CRB1: variants seen among roughly 807,000 people sequenced by gnomAD.
The protein encoded by CRB1 is protein crumbs homolog 1.
CRB1 carries 83 observed loss-of-function variants against 120.0 expected under a neutral mutation model. The ratio of observed to expected loss-of-function variants is 0.69; its 90% CI spans 0.58 to 0.83. The LOEUF (loss-of-function observed/expected upper bound fraction) is 0.83. CRB1 is among the 40% of genes least tolerant of loss of function. The pLI is 0.00. For synonymous variants in CRB1, 625 were observed against 612.5 expected, an observed-to-expected ratio of 1.02 and a Z score of -0.30; for missense variants, 1,699 against 1,687.6, an observed-to-expected ratio of 1.01 and a Z score of -0.12.
chr1:197,246,390 T>G, the CRB1 span, among the ~76,000 whole-genome samples: 1 of 152,022 alleles, frequency 6.6e-6, no homozygotes, highest in Non-Finnish European at 1.5e-5. Context: ...CTTTACTCAC[T>G]GGCATTTCTG....
chr1:197,295,227 T>A (rs937628827), intron 1 of CRB1, among the ~76,000 whole-genome samples: 1 of 152,056 alleles, frequency 6.6e-6, no homozygotes, highest in Non-Finnish European at 1.5e-5. Flanking sequence ...AATGTTGTCA[T>A]GTTGCCTTCT....
At chr1:197,380,785 A>G (rs1307931340) in intron 5 of CRB1, among the ~76,000 whole-genome samples, 1 of 152,210 alleles carries the variant, frequency 6.6e-6, no homozygotes, top group Non-Finnish European at 1.5e-5. Flanking sequence ...GAATTCTCAT[A>G]GTTGGCTCTT....
At chr1:197,366,040 GA>G (rs1165751680) in intron 5 of CRB1, among the ~76,000 whole-genome samples, 5 of 152,058 alleles carry the variant, frequency 3.3e-5, no homozygotes, top group East Asian at 1.9e-4. Flanking sequence ...GTAGTATAAA[GA>G]AAAAAAATTT....
the CRB1 span, among the ~76,000 whole-genome samples, chr1:197,217,928 T>C: frequency 6.6e-6 from 1 of 152,194 alleles, no homozygotes; most frequent in Non-Finnish European, 1.5e-5. Flanking sequence ...TGATCACATA[T>C]ATAGGAAGGA....
intron 1 of CRB1, among the ~76,000 whole-genome samples, chr1:197,306,879 T>C (rs1317060727): frequency 1.3e-5 from 2 of 152,182 alleles, no homozygotes; most frequent in African/African-American, 4.8e-5. Context: ...TACAACTCAA[T>C]AGAATGATCT....
chr1:197,453,811 ATTG>A (rs904859798), intron 11 of CRB1, among the ~76,000 whole-genome samples: 13 of 32,214 alleles, frequency 4.0e-4, no homozygotes, highest in African/African-American at 6.3e-4. Context: ...ATAATAATAT[ATTG>A]TTAATTATTA....
At chr1:197,312,258 G>A (rs912015416) in intron 1 of CRB1, among the ~76,000 whole-genome samples, 2 of 152,128 alleles carry the variant, frequency 1.3e-5, no homozygotes, top group African/African-American at 2.4e-5. Context: ...TGCAACCTCT[G>A]TCAGTCATAA....
At chr1:197,440,839 C>G (rs1244342247) in intron 10 of CRB1, 1 of 152,212 alleles carries the variant, frequency 6.6e-6, no homozygotes, top group Non-Finnish European at 1.5e-5. Context: ...AACACTCTGG[C>G]CCACCCAAGA....
intron 5 of CRB1, among the ~76,000 whole-genome samples, chr1:197,396,521 C>G (rs370416067): frequency 6.6e-6 from 1 of 151,708 alleles, no homozygotes; most frequent in Non-Finnish European, 1.5e-5. Flanking sequence ...CAATAAAAAC[C>G]AATTTGGAAA....
chr1:197,221,225 T>G, the CRB1 span, among the ~76,000 whole-genome samples: 1 of 152,160 alleles, frequency 6.6e-6, no homozygotes, highest in African/African-American at 2.4e-5. Context: ...AAATGACAGT[T>G]AAGAAAAGGG....
intron 1 of CRB1, among the ~76,000 whole-genome samples, chr1:197,300,784 C>G (rs1167006261): frequency 6.6e-6 from 1 of 152,100 alleles, no homozygotes; most frequent in African/African-American, 2.4e-5. Context: ...GAAGTTGATG[C>G]CTGGCTTCAC....
chr1:197,292,107 T>TA (rs1249471757), intron 1 of CRB1, among the ~76,000 whole-genome samples: 2 of 151,708 alleles, frequency 1.3e-5, no homozygotes, highest in Admixed American at 6.6e-5. Context: ...AAAAACCCTT[T>TA]AAAAAATCAA....
intron 1 of CRB1, among the ~76,000 whole-genome samples, chr1:197,315,639 G>A (rs1657794672): frequency 6.6e-6 from 1 of 152,168 alleles, no homozygotes; most frequent in African/African-American, 2.4e-5. Flanking sequence ...ACAACCAGCT[G>A]AAGCAAAGTA....
chr1:197,322,832 C>G (rs1213191262), intron 1 of CRB1, among the ~76,000 whole-genome samples: 2 of 152,056 alleles, frequency 1.3e-5, no homozygotes, highest in Admixed American at 6.6e-5. Context: ...TTAGATGTTT[C>G]TTTTTATGAC....
the CRB1 span, among the ~76,000 whole-genome samples, chr1:197,203,490 A>G: frequency 6.6e-6 from 1 of 151,882 alleles, no homozygotes; most frequent in African/African-American, 2.4e-5. Context: ...ACACCGGGCT[A>G]ATTTTTGTAT....
intron 7 of CRB1, chr1:197,428,882 T>G: frequency 7.5e-7 from 1 of 1,330,180 alleles, no homozygotes; most frequent in South Asian, 1.4e-5. Flanking sequence ...GTTCATGCTC[T>G]AATAAATTTC....
At chr1:197,290,676 T>C (rs1186110119) in intron 1 of CRB1, among the ~76,000 whole-genome samples, 5 of 151,886 alleles carry the variant, frequency 3.3e-5, no homozygotes, top group African/African-American at 9.6e-5. Context: ...TCCCTTTCCT[T>C]CACTTACATA....
At chr1:197,336,794 A>G (rs1659181518) in intron 2 of CRB1, among the ~76,000 whole-genome samples, 1 of 152,214 alleles carries the variant, frequency 6.6e-6, no homozygotes, top group Admixed American at 6.5e-5. Flanking sequence ...CCATCTGTCT[A>G]TAAACATCAT....
chr1:197,275,350 TG>T (rs1325558665), intron 1 of CRB1, among the ~76,000 whole-genome samples: 1 of 152,110 alleles, frequency 6.6e-6, no homozygotes, highest in African/African-American at 2.4e-5. Context: ...AAAAAACACT[TG>T]GTTAATACCA....
Sources: allele counts gnomAD v4.1 joint callset (sites outside exome capture counted in the v4.1 genomes callset), GRCh38; gene constraint gnomAD v4.1.1; transcripts MANE v1.5; gene names NCBI Gene and HGNC (gene_info 2026-07-23, HGNC 2026-07-21).